The following CNTNAP5 variants were observed in gnomAD, a reference collection of about 807,000 sequenced individuals.
CNTNAP5 encodes the protein contactin associated protein family member 5.
A neutral mutation model predicts 150.2 loss-of-function variants in CNTNAP5; 72 were observed. The observed-to-expected ratio is 0.48, with a 90% CI of 0.40 to 0.58. CNTNAP5 has a LOEUF of 0.58. Ranked by LOEUF, CNTNAP5 falls within the 20% of genes least tolerant of loss-of-function variation. The pLI is 0.00. For missense variants in CNTNAP5, 1,636 were observed against 1,626.2 expected, an observed-to-expected ratio of 1.01 and a Z score of -0.10; for synonymous variants, 672 against 619.8, an observed-to-expected ratio of 1.08 and a Z score of -1.25.
At chr2:124,206,337 G>C (rs879910731) in intron 1 of CNTNAP5, among the ~76,000 whole-genome samples, 1 of 152,142 alleles carries the variant, frequency 6.6e-6, no homozygotes, top group South Asian at 2.1e-4. Context: ...ATTGGTATAT[G>C]GTATTATAAT....
chr2:124,521,919 G>A (rs1304979488), intron 8 of CNTNAP5, among the ~76,000 whole-genome samples: 1 of 152,134 alleles, frequency 6.6e-6, no homozygotes, highest in African/African-American at 2.4e-5. Flanking sequence ...GGTCTTGTCT[G>A]AGGACAACTG....
intron 19 of CNTNAP5, among the ~76,000 whole-genome samples, chr2:124,853,366 C>T (rs1228200006): frequency 6.6e-6 from 1 of 152,146 alleles, no homozygotes; most frequent in East Asian, 1.9e-4. Flanking sequence ...CATTCCTTGC[C>T]AGTGTGGTCT....
rs191042982 is a variant in CNTNAP5, at chr2:124,416,044, T to G, written c.382-1399T>G. Among the ~76,000 whole-genome samples the G allele has an allele frequency of 2.0e-3, 297 of 151,550 alleles. 1 individual carries two copies. Among genetic ancestry groups the G allele is most frequent in the Non-Finnish European group, 3.5e-3 (234 of 67,824 alleles). ...TCTAGGTGTGGTGTTTAATTTTTAG[T>G]TTTTTTTTCTCTCTAATATGAGTTG... is the stretch of plus-strand genomic sequence containing the variant. On this transcript the variant is annotated intron_variant, in intron 3 of 23. Coordinates refer to ENST00000682447, the MANE Select transcript of CNTNAP5 (RefSeq NM_001367498.1).
At chr2:124,058,511 A>G (rs1290682239) in intron 1 of CNTNAP5, among the ~76,000 whole-genome samples, 1 of 152,112 alleles carries the variant, frequency 6.6e-6, no homozygotes, top group Non-Finnish European at 1.5e-5. Flanking sequence ...CTGATCTTAG[A>G]TAAGTCCATT....
intron 10 of CNTNAP5, among the ~76,000 whole-genome samples, chr2:124,555,236 C>A (rs1249297544): frequency 6.6e-6 from 1 of 152,018 alleles, no homozygotes; most frequent in Non-Finnish European, 1.5e-5. Flanking sequence ...ACATTCATAC[C>A]ATAGTTTTGA....
chr2:124,591,338 A>G lies in CNTNAP5; in HGVS notation c.1757-18463A>G, dbSNP rs561176666. On this transcript the variant is annotated intron_variant, in intron 11 of 23. Transcript: ENST00000682447. ...TGTAAGATGTAGCAAGTCATTTCAT[A>G]TACAGTGGATGGTAATCTCTGTCTT... Among the ~76,000 whole-genome samples the G allele has an allele frequency of 2.6e-5, 4 of 152,270 alleles. No individual in the cohort carries two copies. In the East Asian group the frequency reaches 7.7e-4, roughly 29 times the overall value.
chr2:124,045,554 C>CCCAAAGTGCCA (rs1450953890), intron 1 of CNTNAP5, among the ~76,000 whole-genome samples: 2 of 151,918 alleles, frequency 1.3e-5, no homozygotes, highest in African/African-American at 2.4e-5. Context: ...GACTTGGCCT[C>CCCAAAGTGCCA]CCAAAGTGCC....
At chr2:124,468,711 G>T (rs1693437007) in intron 6 of CNTNAP5, among the ~76,000 whole-genome samples, 2 of 152,084 alleles carry the variant, frequency 1.3e-5, no homozygotes, top group South Asian at 4.1e-4. Flanking sequence ...TAGTCACTTG[G>T]ACTCTCCCAG....
intron 3 of CNTNAP5, among the ~76,000 whole-genome samples, chr2:124,362,058 A>G (rs1196483049): frequency 6.6e-6 from 1 of 152,150 alleles, no homozygotes; most frequent in African/African-American, 2.4e-5. Flanking sequence ...TTCGGGTGGG[A>G]GTGACCCGAT....
intron 1 of CNTNAP5, among the ~76,000 whole-genome samples, chr2:124,161,492 A>C (rs138550739): frequency 6.6e-6 from 1 of 152,296 alleles, no homozygotes; most frequent in African/African-American, 2.4e-5. Flanking sequence ...CAGCTCCTAG[A>C]GGCTATTAGC....
At position 124,724,144 on chromosome 2, in the gene CNTNAP5, A is replaced by AAATAATAATAAT. The variant is rs60984074; in HGVS notation, c.2078-23063_2078-23052dup. The stretch of plus-strand genomic sequence containing the variant: ...TGGTGACAGAGGGAGACTCCATCTC[A>AAATAATAATAAT]AATAATAATAATAATAATAATAATA... On this transcript the variant is annotated intron_variant, in intron 13 of 23. Coordinates refer to ENST00000682447, the MANE Select transcript of CNTNAP5 (RefSeq NM_001367498.1). Among the ~76,000 whole-genome samples, 638 of 145,722 alleles carry AAATAATAATAAT rather than the reference A, an allele frequency of 4.4e-3. 3 individuals are homozygous for AAATAATAATAAT. Among genetic ancestry groups the AAATAATAATAAT allele is most frequent in the African/African-American group, 0.011 (444 of 39,376 alleles).
chr2:124,540,883 C>A (rs1422989242), intron 10 of CNTNAP5, among the ~76,000 whole-genome samples: 2 of 152,082 alleles, frequency 1.3e-5, no homozygotes, highest in African/African-American at 2.4e-5. Context: ...CCATGAGTGT[C>A]CTCATGCACA....
rs575901563 is a variant in CNTNAP5, at chr2:124,323,052, C to T, written c.381+80659C>T. ...TCACAGTTTTGGAGGCTGGAAACTCCGAGATTAAGGCACCAGCAGGTTTGA... is the reference window on the plus strand; with the variant it reads ...TCACAGTTTTGGAGGCTGGAAACTCTGAGATTAAGGCACCAGCAGGTTTGA... On this transcript the variant is annotated intron_variant, in intron 3 of 23. Transcript: ENST00000682447. Among the ~76,000 whole-genome samples, 107 of 152,094 alleles carry T rather than the reference C, an allele frequency of 7.0e-4. 2 individuals carry two copies. In the South Asian group the frequency reaches 0.021, roughly 29 times the overall value.
intron 1 of CNTNAP5, among the ~76,000 whole-genome samples, chr2:124,061,509 C>A (rs1352464301): frequency 6.6e-6 from 1 of 152,114 alleles, no homozygotes; most frequent in Admixed American, 6.6e-5. Context: ...CAGGTCATGT[C>A]ACTGGCCACT....
intron 8 of CNTNAP5, among the ~76,000 whole-genome samples, chr2:124,510,273 C>CTAATCTATATATA (rs1694530988): frequency 2.9e-5 from 1 of 33,918 alleles, no homozygotes; most frequent in Non-Finnish European, 6.3e-5. Context: ...ATCTATATAT[C>CTAATCTATATATA]TATATCTATA....
At chr2:124,892,831 A>G (rs1186895904) in intron 21 of CNTNAP5, among the ~76,000 whole-genome samples, 1 of 152,134 alleles carries the variant, frequency 6.6e-6, no homozygotes. Flanking sequence ...CAGAAATCCC[A>G]GAAATATGTT....
chr2:124,464,045 A>G (rs1002083907), intron 6 of CNTNAP5, among the ~76,000 whole-genome samples: 1 of 152,198 alleles, frequency 6.6e-6, no homozygotes, highest in African/African-American at 2.4e-5. Context: ...AACATGATCA[A>G]TAAGTCCTAC....
chr2:124,127,619 A>G (rs2104595590), intron 1 of CNTNAP5, among the ~76,000 whole-genome samples: 1 of 152,318 alleles, frequency 6.6e-6, no homozygotes, highest in South Asian at 2.1e-4. Context: ...CTAAGCCAAA[A>G]GAACAAAGCT....
intron 1 of CNTNAP5, among the ~76,000 whole-genome samples, chr2:124,131,244 CT>C (rs1479260006): frequency 6.6e-6 from 1 of 152,136 alleles, no homozygotes; most frequent in African/African-American, 2.4e-5. Flanking sequence ...TTATCTCTGC[CT>C]TAGAGCCATA....
Sources: allele counts gnomAD v4.1 joint callset (sites outside exome capture counted in the v4.1 genomes callset), GRCh38; gene constraint gnomAD v4.1.1; transcripts MANE v1.5; gene names NCBI Gene and HGNC (gene_info 2026-07-23, HGNC 2026-07-21).